Variants in AKAP19 observed in about 807,000 individuals in gnomAD.
AKAP19 encodes A-kinase anchoring protein 19, also known as small A-kinase anchoring protein.
the AKAP19 span, among the ~76,000 whole-genome samples, chr2:189,921,883 A>C: frequency 6.6e-6 from 1 of 152,210 alleles, no homozygotes; most frequent in Non-Finnish European, 1.5e-5. Flanking sequence ...TATGCAAAGT[A>C]CTGACTGGGT....
the AKAP19 span, among the ~76,000 whole-genome samples, chr2:190,123,997 T>A: frequency 6.6e-6 from 1 of 152,214 alleles, no homozygotes; most frequent in Admixed American, 6.5e-5. Flanking sequence ...ACTCAAGTCC[T>A]TTGGACTCAA....
the AKAP19 span, among the ~76,000 whole-genome samples, chr2:190,148,659 T>C: frequency 6.6e-6 from 1 of 152,186 alleles, no homozygotes; most frequent in Admixed American, 6.5e-5. Flanking sequence ...TTGGTAATTT[T>C]TAAATTACCA....
the AKAP19 span, among the ~76,000 whole-genome samples, chr2:190,158,126 C>T: frequency 6.6e-6 from 1 of 152,192 alleles, no homozygotes; most frequent in East Asian, 1.9e-4. Flanking sequence ...TGTCACGTAC[C>T]CCTTGCTTGC....
the AKAP19 span, among the ~76,000 whole-genome samples, chr2:190,035,608 C>G: frequency 6.6e-6 from 1 of 152,004 alleles, no homozygotes; most frequent in Non-Finnish European, 1.5e-5. Context: ...CCACCCCCAC[C>G]TCCTGAAAAC....
At chr2:190,090,715 A>T in the AKAP19 span, among the ~76,000 whole-genome samples, 1 of 152,194 alleles carries the variant, frequency 6.6e-6, no homozygotes, top group African/African-American at 2.4e-5. Context: ...CAAGGCTCTG[A>T]TAAAAGGCAG....
chr2:189,908,983 T>C, the AKAP19 span, among the ~76,000 whole-genome samples: 1 of 152,186 alleles, frequency 6.6e-6, no homozygotes, highest in African/African-American at 2.4e-5. Flanking sequence ...ATTGTATTGC[T>C]GTCCATCTCT....
At chr2:190,068,652 A>G in the AKAP19 span, among the ~76,000 whole-genome samples, 1 of 152,194 alleles carries the variant, frequency 6.6e-6, no homozygotes. Context: ...TGTTTTTTAA[A>G]TAATTAAACC....
chr2:189,916,474 A>G, the AKAP19 span, among the ~76,000 whole-genome samples: 1 of 151,758 alleles, frequency 6.6e-6, no homozygotes, highest in Admixed American at 6.6e-5. Context: ...GGCATGCACC[A>G]CCATGCCCAG....
At chr2:190,198,187 T>A in the AKAP19 span, among the ~76,000 whole-genome samples, 3 of 151,656 alleles carry the variant, frequency 2.0e-5, no homozygotes, top group African/African-American at 7.3e-5. Context: ...CTCATATCAC[T>A]CTTATTAGGG....
the AKAP19 span, among the ~76,000 whole-genome samples, chr2:190,164,916 T>G: frequency 2.6e-5 from 4 of 152,208 alleles, no homozygotes; most frequent in Non-Finnish European, 4.4e-5. Context: ...TCTCTTGGAG[T>G]ACATGTGCAT....
At chr2:189,966,149 G>A in the AKAP19 span, among the ~76,000 whole-genome samples, 1 of 149,860 alleles carries the variant, frequency 6.7e-6, no homozygotes, top group African/African-American at 2.5e-5. Flanking sequence ...AGTATGCAAA[G>A]ACATAAGAAT....
the AKAP19 span, among the ~76,000 whole-genome samples, chr2:189,953,653 A>C: frequency 6.6e-5 from 10 of 151,444 alleles, no homozygotes; most frequent in African/African-American, 1.7e-4. Flanking sequence ...AAAAAAAAAA[A>C]AAAAAACAAA....
chr2:190,143,909 A>C, the AKAP19 span, among the ~76,000 whole-genome samples: 1 of 148,152 alleles, frequency 6.7e-6, no homozygotes, highest in Non-Finnish European at 1.5e-5. Flanking sequence ...TTCTCAGTAA[A>C]CTATCGCAAG....
At chr2:190,064,927 C>T in the AKAP19 span, among the ~76,000 whole-genome samples, 23 of 152,224 alleles carry the variant, frequency 1.5e-4, 1 homozygote, top group Admixed American at 1.4e-3. Context: ...ACAAATTTGC[C>T]TACTTGCTAA....
At chr2:190,111,267 A>C in the AKAP19 span, among the ~76,000 whole-genome samples, 5 of 152,278 alleles carry the variant, frequency 3.3e-5, no homozygotes, top group South Asian at 2.1e-4. Context: ...TTGTGTTGGA[A>C]CATATCTGTT....
chr2:190,152,380 T>C, the AKAP19 span, among the ~76,000 whole-genome samples: 1 of 152,192 alleles, frequency 6.6e-6, no homozygotes, highest in Admixed American at 6.5e-5. Context: ...ACACTATTTA[T>C]TTATTTAAAA....
the AKAP19 span, among the ~76,000 whole-genome samples, chr2:189,985,001 A>T: frequency 6.6e-6 from 1 of 152,112 alleles, no homozygotes; most frequent in African/African-American, 2.4e-5. Flanking sequence ...TGTCCTTGGG[A>T]AAATCTCAAA....
At chr2:189,976,806 G>A in the AKAP19 span, among the ~76,000 whole-genome samples, 786 of 152,294 alleles carry the variant, frequency 5.2e-3, 4 homozygotes, top group African/African-American at 0.018. Context: ...CTGGTGTGCC[G>A]TTTACTAAGA....
chr2:190,104,659 G>A, the AKAP19 span, among the ~76,000 whole-genome samples: 2 of 152,060 alleles, frequency 1.3e-5, no homozygotes, highest in Non-Finnish European at 2.9e-5. Context: ...GCATGGTGGT[G>A]TGTGCCTGTA....
Sources: allele counts gnomAD v4.1 joint callset (sites outside exome capture counted in the v4.1 genomes callset), GRCh38; gene constraint gnomAD v4.1.1; transcripts MANE v1.5; gene names NCBI Gene and HGNC (gene_info 2026-07-23, HGNC 2026-07-21).